CRTC1: variants seen among roughly 807,000 people sequenced by gnomAD.
CRTC1 encodes the protein CREB regulated transcription coactivator 1.
A neutral mutation model predicts 66.1 loss-of-function variants in CRTC1; 18 were observed. The observed-to-expected ratio is 0.27, with a 90% CI of 0.19 to 0.40. The LOEUF (loss-of-function observed/expected upper bound fraction) is 0.40, where lower values mean the gene tolerates loss of function less well. Among genes scored for constraint, CRTC1 ranks in the 10% least tolerant of loss-of-function variants. The pLI is 1.00. For synonymous variants in CRTC1, 416 were observed against 398.8 expected, an observed-to-expected ratio of 1.04 and a Z score of -0.51; for missense variants, 669 against 887.9, an observed-to-expected ratio of 0.75 and a Z score of 3.13.
At chr19:18,765,632 C>G in intron 9 of CRTC1, 104 bp downstream of exon 9, 2 of 1,106,296 alleles carry the variant, frequency 1.8e-6, no homozygotes, top group South Asian at 1.7e-5. Flanking sequence ...GGCCACAAAA[C>G]CTTGAGAATG....
At chr19:18,699,418 C>T (rs992950395) in intron 1 of CRTC1, among the ~76,000 whole-genome samples, 8 of 152,164 alleles carry the variant, frequency 5.3e-5, no homozygotes, top group East Asian at 3.8e-4. Context: ...GTCAAATCCT[C>T]GGGGTAGGAT....
chr19:18,756,606 C>A (rs895700855), intron 6 of CRTC1, among the ~76,000 whole-genome samples: 8 of 122,162 alleles, frequency 6.5e-5, no homozygotes, highest in African/African-American at 2.9e-4. Flanking sequence ...AGAGCAAGAC[C>A]CTGTCTCTAA....
At chr19:18,729,102 C>T (rs1281744107) in intron 1 of CRTC1, among the ~76,000 whole-genome samples, 3 of 148,358 alleles carry the variant, frequency 2.0e-5, no homozygotes, top group African/African-American at 4.9e-5. Context: ...CGTGAGCCAC[C>T]GCACCTGCCC....
intron 9 of CRTC1, among the ~76,000 whole-genome samples, chr19:18,765,747 G>A (rs2054718576): frequency 6.6e-6 from 1 of 152,138 alleles, no homozygotes; most frequent in Non-Finnish European, 1.5e-5. Flanking sequence ...GATCAGTTGA[G>A]GTCAGGAGTT....
chr19:18,705,484 A>G (rs960092129), intron 1 of CRTC1, among the ~76,000 whole-genome samples: 2 of 152,062 alleles, frequency 1.3e-5, no homozygotes, highest in African/African-American at 2.4e-5. Flanking sequence ...CACCTGGCTA[A>G]TCTTTGTGTT....
chr19:18,769,376 G>A (rs758155448), intron 10 of CRTC1, among the ~76,000 whole-genome samples: 6 of 152,232 alleles, frequency 3.9e-5, no homozygotes, highest in Non-Finnish European at 7.3e-5. Flanking sequence ...CCAGCGGCGC[G>A]GGCTGGGTGG....
At chr19:18,688,790 C>T (rs781386432) in intron 1 of CRTC1, among the ~76,000 whole-genome samples, 2 of 152,078 alleles carry the variant, frequency 1.3e-5, no homozygotes, top group Non-Finnish European at 2.9e-5. Context: ...GGCATTCCGC[C>T]ACTCAGTGGC....
At position 18,777,669 on chromosome 19, in the gene CRTC1, A is replaced by G. The variant is rs2055023823; in HGVS notation, c.*287A>G. 2.4e-6 allele frequency: 1 copy of G among 417,222 alleles called. No individual in the cohort carries two copies. Among genetic ancestry groups the G allele is most frequent in the African/African-American group, 2.2e-5 (1 of 45,756 alleles). The allele number at this position is 417,222 out of a possible 1,614,324, so 25.8% of individuals were successfully genotyped here. A position where few individuals can be genotyped will look rare whatever the true frequency, so the allele number is the denominator to read the frequency against. Reference sequence around the variant, plus strand: ...TCCCTGCACTGGCTCCCTCGCCCCCAGCCCCGGGGCCTGAGCCGTCCCCTG... The same window carrying G: ...TCCCTGCACTGGCTCCCTCGCCCCCGGCCCCGGGGCCTGAGCCGTCCCCTG... On this transcript the variant is annotated 3_prime_UTR_variant, in exon 14 of 14. Transcript: ENST00000321949. This position sits in a 1 kb window ranked among gnomAD's most constrained non-coding sequence, Gnocchi z 5.5.
At chr19:18,694,402 C>T (rs1352986040) in intron 1 of CRTC1, among the ~76,000 whole-genome samples, 4 of 151,912 alleles carry the variant, frequency 2.6e-5, no homozygotes, top group East Asian at 1.9e-4. Flanking sequence ...CTGTAAGCTA[C>T]GTCTCTTTAT....
Position 18,771,082 on chromosome 19 carries a change from G to A in CRTC1, c.1321-360G>A, listed in dbSNP as rs926247587. ...TATTCTAGTGTGGATATGTGTACAC[G>A]TGGGTATGTCTGTGTGGGTGTGCAT... On this transcript the variant is annotated intron_variant, in intron 10 of 13. Transcript: ENST00000321949. The surrounding 1 kb of genome is among the most constrained non-coding windows in gnomAD (Gnocchi z 4.6). Among the ~76,000 whole-genome samples the A allele has an allele frequency of 6.6e-6, 1 of 152,048 alleles. No homozygotes were observed. Among genetic ancestry groups the A allele is most frequent in the South Asian group, 2.1e-4 (1 of 4,830 alleles).
chr19:18,765,263 G>C (rs2054702945), intron 8 of CRTC1, 141 bp from the exon 9 acceptor site: 2 of 1,287,960 alleles, frequency 1.6e-6, no homozygotes, highest in Non-Finnish European at 2.1e-6. Context: ...GGGTGCCCAG[G>C]TTTGGCAGTT....
rs533478839 is a variant in CRTC1 at position 18,692,537 on chromosome 19, G to A, written c.126+8709G>A. Among the ~76,000 whole-genome samples the A allele has an allele frequency of 2.0e-5, 3 of 151,626 alleles. No homozygotes were observed. The South Asian group carries it at 6.3e-4, about 32-fold the overall frequency. On this transcript the variant is annotated intron_variant, in intron 1 of 13. Coordinates refer to ENST00000321949, the MANE Select transcript of CRTC1 (RefSeq NM_015321.3). ...AATTGCTTGAACTTGGGAGGTGGAG[G>A]TTGCTGTGAGCAGAGATCATGCCAT...
intron 6 of CRTC1, among the ~76,000 whole-genome samples, chr19:18,755,688 C>T (rs758085692): frequency 6.6e-5 from 10 of 150,596 alleles, no homozygotes; most frequent in African/African-American, 2.0e-4. Context: ...CTGCAACCTC[C>T]GTCCCCCAGG....
chr19:18,723,614 G>A (rs1297792668), intron 1 of CRTC1, among the ~76,000 whole-genome samples: 7 of 152,230 alleles, frequency 4.6e-5, no homozygotes, highest in African/African-American at 1.7e-4. Context: ...CCTAACGGTG[G>A]GCTTGCGTCA....
intron 1 of CRTC1, among the ~76,000 whole-genome samples, chr19:18,702,695 C>A (rs370269357): frequency 6.6e-6 from 1 of 151,772 alleles, no homozygotes; most frequent in African/African-American, 2.4e-5. Flanking sequence ...CCACCACACC[C>A]GGCTAATTTT....
chr19:18,716,480 G>A (rs1157613191), intron 1 of CRTC1, among the ~76,000 whole-genome samples: 2 of 152,144 alleles, frequency 1.3e-5, no homozygotes, highest in Non-Finnish European at 1.5e-5. Flanking sequence ...TCAAACTCCT[G>A]ACCTCATGAT....
At chr19:18,734,147 C>T (rs948469218) in intron 1 of CRTC1, among the ~76,000 whole-genome samples, 2 of 150,510 alleles carry the variant, frequency 1.3e-5, no homozygotes, top group Non-Finnish European at 3.0e-5. Context: ...AGACAGGAAA[C>T]GGATTAGTGG....
intron 9 of CRTC1, among the ~76,000 whole-genome samples, chr19:18,766,202 A>G (rs1600993464): frequency 6.7e-6 from 1 of 149,938 alleles, no homozygotes; most frequent in South Asian, 2.1e-4. Flanking sequence ...GCTCACGGCA[A>G]CCTTGCTTCC....
chr19:18,727,320 G>A lies in CRTC1; in HGVS notation c.127-15590G>A, dbSNP rs374071768. 8.6e-5 allele frequency among the ~76,000 whole-genome samples: 13 copies of A among 151,974 alleles called. No individual in the cohort carries two copies. In the East Asian group the frequency reaches 1.6e-3, roughly 18 times the overall value. The stretch of plus-strand genomic sequence containing the variant: ...GACAAGGTCAGGCACGGTGGTTCAC[G>A]CGTGTAATCCGAGCACTTTGGTAGG... On this transcript the variant is annotated intron_variant, in intron 1 of 13. Coordinates refer to ENST00000321949, the MANE Select transcript of CRTC1 (RefSeq NM_015321.3).
Sources: allele counts gnomAD v4.1 joint callset (sites outside exome capture counted in the v4.1 genomes callset), GRCh38; gene constraint gnomAD v4.1.1; non-coding constraint Gnocchi (gnomAD v3.1); transcripts MANE v1.5; gene names NCBI Gene and HGNC (gene_info 2026-07-23, HGNC 2026-07-21).